The following OR6Y1 variants were observed in gnomAD, a reference collection of about 807,000 sequenced individuals.
OR6Y1 encodes olfactory receptor 6Y1.
Under a neutral mutation model 0.4 loss-of-function variants are expected in OR6Y1, and 1 was observed. The ratio of observed to expected loss-of-function variants is 2.74; its 90% confidence interval spans 0.97 to 13.02. The LOEUF is 13.02. Among genes scored for constraint, OR6Y1 ranks in the 30% most tolerant of loss-of-function variants. The pLI, the probability that OR6Y1 is intolerant of heterozygous loss-of-function variation, is 0.12. For synonymous variants in OR6Y1, 173 were observed against 141.1 expected (o/e 1.23, Z -1.60); for missense variants, 480 against 399.8 (o/e 1.20, Z -1.71).
intron 1 of OR6Y1, among the ~76,000 whole-genome samples, chr1:158,551,093 T>C (rs1362847724): frequency 3.3e-5 from 5 of 150,508 alleles, no homozygotes; most frequent in Non-Finnish European, 5.9e-5. Flanking sequence ...TATGAGTATG[T>C]AGAGGATGAT....
chr1:158,547,800 G>T lies in OR6Y1; in HGVS notation c.306C>A (p.Cys102Ter). The T allele has an allele frequency of 6.2e-7, 1 of 1,613,534 alleles. No individual in the cohort carries two copies. The highest frequency in any genetic ancestry group is 8.5e-7 in the Non-Finnish European group (1 of 1,179,962). ...TCACAAAAAAGTAAAGTTGAGTCATGCAGCCATTGAAGGAAATACTCTTGT... is the reference window on the plus strand; with the variant it reads ...TCACAAAAAAGTAAAGTTGAGTCATTCAGCCATTGAAGGAAATACTCTTGT... ...SHDKSISFNG[C>*]MTQLYFFVTF... Residue 102 changes from cysteine (C) to a stop codon, truncating the protein, a stop_gained, in exon 2 of 2, where the codon TGC becomes TGA. Transcript: ENST00000641622. LOFTEE classifies it high-confidence loss of function.
In OR6Y1 at chr1:158,548,075, G is replaced by C. The variant is rs145078451; in HGVS notation, c.31C>G (p.His11Asp). The C allele has an allele frequency of 6.2e-7, 1 of 1,613,134 alleles. No individual in the cohort carries two copies. Among genetic ancestry groups the C allele is most frequent in the Admixed American group, 1.7e-5 (1 of 59,952 alleles). Residue 11 changes from histidine (H) to aspartate (D), a missense_variant, in exon 2 of 2, where the codon CAT (histidine) becomes GAT (aspartate). Physicochemically the swap from His to Asp is moderately conservative, Grantham distance 81 (BLOSUM62 -1). Coordinates refer to ENST00000641622, the MANE Select transcript of OR6Y1 (RefSeq NM_001005189.2). ...AGAATGAAACGTGTTGTCACTGTAT[G>C]ATTATCTACTTCCAGAATTATGGTG... is the stretch of plus-strand genomic sequence containing the variant. MTTIILEVDN[H>D]TVTTRFILLG...
At chr1:158,550,294 TTAAGAATAAGAATAAG>T (rs772229722) in intron 1 of OR6Y1, among the ~76,000 whole-genome samples, 25 of 141,520 alleles carry the variant, frequency 1.8e-4, no homozygotes, top group Admixed American at 2.8e-4. Flanking sequence ...TAATTTAATT[TTAAGAATAAGAATAAG>T]TAAATAAAGT....
At chr1:158,552,231 T>G (rs926952058) in intron 1 of OR6Y1, among the ~76,000 whole-genome samples, 12 of 125,452 alleles carry the variant, frequency 9.6e-5, no homozygotes, top group Admixed American at 8.9e-4. Flanking sequence ...TGTATGGAGA[T>G]ATATATATGT....
rs780431854 is a variant in OR6Y1 at position 158,547,997 on chromosome 1, GGAAAATGGA to G, written c.100_108del (p.Ser34_Phe36del). On this transcript the variant is annotated inframe_deletion, in exon 2 of 2. Coordinates refer to ENST00000641622, the MANE Select transcript of OR6Y1 (RefSeq NM_001005189.2). ...AGCAGTGTCAGCAGATAGGTTGCCA[GGAAAATGGA>G]GAAAAAGAGAAGCTGGAAGGCTGGT... is the stretch of plus-strand genomic sequence containing the variant. 1.9e-6 allele frequency: 3 copies of G among 1,613,530 alleles called. No individual in the cohort carries two copies. Among genetic ancestry groups the G allele is most frequent in the Non-Finnish European group, 2.5e-6 (3 of 1,179,972 alleles).
intron 1 of OR6Y1, among the ~76,000 whole-genome samples, chr1:158,550,705 T>C (rs1037556817): frequency 6.6e-6 from 1 of 151,806 alleles, no homozygotes; most frequent in Non-Finnish European, 1.5e-5. Context: ...TAGGGCTAGA[T>C]TGTCTGAGTC....
At chr1:158,553,098 CTATACTT>C (rs1049216442) in intron 1 of OR6Y1, among the ~76,000 whole-genome samples, 7 of 152,168 alleles carry the variant, frequency 4.6e-5, no homozygotes, top group Non-Finnish European at 1.0e-4. Context: ...CCCTGATCCT[CTATACTT>C]TATAACTTTC....
At position 158,547,140 on chromosome 1, in the gene OR6Y1, A is replaced by G. The variant is rs878860359; in HGVS notation, c.966T>C (p.Ala322=). Reference sequence around the variant, plus strand: ...ATCTATACATTTTTTAACTACTGAAAGCCCCATTTCCCTGGGGCCCACTTC... The same window carrying G: ...ATCTATACATTTTTTAACTACTGAAGGCCCCATTTCCCTGGGGCCCACTTC... The part of the protein sequence containing the change: ...CRGSGPQGNG[A]FSS The change falls in exon 2 of 2, where the codon GCT becomes GCC. Residue 322 remains alanine (A), a synonymous_variant. Transcript: ENST00000641622. 3.1e-6 allele frequency: 5 copies of G among 1,612,046 alleles called. No individual in the cohort carries two copies. The East Asian group carries it at 1.1e-4, about 36-fold the overall frequency.
rs775415759 is a variant in OR6Y1 at position 158,547,281 on chromosome 1, G to C, written c.825C>G (p.Ser275=). 6.2e-7 allele frequency: 1 copy of C among 1,613,616 alleles called. No homozygotes were observed. Among genetic ancestry groups the C allele is most frequent in the Admixed American group, 1.7e-5 (1 of 60,012 alleles). The change falls in exon 2 of 2, where the codon TCC becomes TCG. Residue 275 remains serine (S), a synonymous_variant. Transcript: ENST00000641622. ...ARPKLMYAYN[S]NKVVSVLYTV... ...TGTAGAGAACAGATACCACTTTGTTGGAATTGTAGGCATACATGAGTTTGG... is the reference window on the plus strand; with the variant it reads ...TGTAGAGAACAGATACCACTTTGTTCGAATTGTAGGCATACATGAGTTTGG...
chr1:158,547,277 T>G lies in OR6Y1; in HGVS notation c.829A>C (p.Lys277Gln). 6.2e-7 allele frequency: 1 copy of G among 1,613,580 alleles called. No individual in the cohort carries two copies. The highest frequency in any genetic ancestry group is 1.7e-4 in the Middle Eastern group (1 of 6,060). ...ACAGTGTAGAGAACAGATACCACTTTGTTGGAATTGTAGGCATACATGAGT... is the reference window on the plus strand; with the variant it reads ...ACAGTGTAGAGAACAGATACCACTTGGTTGGAATTGTAGGCATACATGAGT... ...PKLMYAYNSN[K>Q]VVSVLYTVIV... Residue 277 changes from lysine (K) to glutamine (Q), a missense_variant, in exon 2 of 2, where the codon AAA becomes CAA. Transcript: ENST00000641622.
chr1:158,547,691 C>G lies in OR6Y1; in HGVS notation c.415G>C (p.Val139Leu). 6.2e-7 allele frequency: 1 copy of G among 1,613,524 alleles called. No individual in the cohort carries two copies. Among genetic ancestry groups the G allele is most frequent in the South Asian group, 1.1e-5 (1 of 91,078 alleles). ...VAICNPLRYP[V>L]IMTNQLCGTL... ...CCACAGAGCTGGTTGGTCATGATGA[C>G]TGGGTAGCGTAGTGGATTACAAATG... Residue 139 changes from valine (V) to leucine (L), a missense_variant, in exon 2 of 2, where the codon GTC (valine) becomes CTC (leucine). Coordinates refer to ENST00000641622, the MANE Select transcript of OR6Y1 (RefSeq NM_001005189.2).
rs1647532798 is a variant in OR6Y1, at chr1:158,546,346, T to G, written c.*782A>C. 6.6e-6 allele frequency: 1 copy of G among 152,234 alleles called. No homozygotes were observed. 9.4% of individuals were successfully genotyped at this position (152,234 alleles called of 1,614,324 possible). A position where few individuals can be genotyped will look rare whatever the true frequency, so the allele number is the denominator to read the frequency against. On this transcript the variant is annotated 3_prime_UTR_variant, in exon 2 of 2. Transcript: ENST00000641622. ...ACCTATTTTTAAAATTATGTTTATA[T>G]ACTTAACTTGTTTTTCCATTGAGAG...
chr1:158,545,260 C>T lies in OR6Y1; in HGVS notation c.*1868G>A, dbSNP rs779427023. ...GGTGTTAGATGGTAACAAAATTAGA[C>T]GTTACTTCACACCAGTTAGAATGGC... On this transcript the variant is annotated 3_prime_UTR_variant, in exon 2 of 2. Transcript: ENST00000641622. 3.4e-4 allele frequency: 48 copies of T among 139,642 alleles called. No individual in the cohort carries two copies. The highest frequency in any genetic ancestry group is 2.0e-3 in the Admixed American group (25 of 12,428). The allele number at this position is 139,642 out of a possible 1,614,324, so 8.7% of individuals were successfully genotyped here. A position where few individuals can be genotyped will look rare whatever the true frequency, so the allele number is the denominator to read the frequency against.
At position 158,548,221 on chromosome 1, in the gene OR6Y1, CT is replaced by C; in HGVS notation, c.-117del. The stretch of plus-strand genomic sequence containing the variant: ...AATTTATCACAATAGGAGGTTTCTG[CT>C]TTTTTATCTTACTGCCTCTTGAATT... On this transcript the variant is annotated 5_prime_UTR_variant, in exon 2 of 2. Transcript: ENST00000641622. 2.0e-6 allele frequency: 2 copies of C among 998,802 alleles called. No homozygotes were observed. Among genetic ancestry groups the C allele is most frequent in the Non-Finnish European group, 1.5e-6 (1 of 685,114 alleles). The allele number at this position is 998,802 out of a possible 1,614,324, so 61.9% of individuals were successfully genotyped here.
chr1:158,549,803 C>T (rs1647652929), intron 1 of OR6Y1, among the ~76,000 whole-genome samples: 1 of 147,444 alleles, frequency 6.8e-6, no homozygotes, highest in Admixed American at 6.8e-5. Flanking sequence ...TATGAATCCT[C>T]CTTATCTTTT....
intron 1 of OR6Y1, 24 bp downstream of exon 1, chr1:158,554,242 C>T (rs936450111): frequency 2.6e-5 from 4 of 152,152 alleles, no homozygotes; most frequent in Non-Finnish European, 5.9e-5. Flanking sequence ...TTGGAAATAT[C>T]TGAGAGTCTT....
rs1325667364 is a variant in OR6Y1 at position 158,548,098 on chromosome 1, G to A, written c.8C>T (p.Thr3Ile). ...ATGATTATCTACTTCCAGAATTATG[G>A]TGGTCATGACTGGCTGTGGGCACAG... Reference protein sequence around the residue: MTTIILEVDNHTV... With the variant: MTIIILEVDNHTV... Residue 3 changes from threonine (T) to isoleucine (I), a missense_variant, in exon 2 of 2, where the codon ACC becomes ATC. Thr to Ile is a moderately conservative substitution (Grantham distance 89). Transcript: ENST00000641622. The A allele has an allele frequency of 6.2e-7, 1 of 1,611,636 alleles. No individual in the cohort carries two copies.
In OR6Y1 at chr1:158,548,059, C is replaced by T. The variant is rs754621708; in HGVS notation, c.47G>A (p.Arg16His). The T allele has an allele frequency of 2.1e-5, 34 of 1,613,328 alleles. No homozygotes were observed. The highest frequency in any genetic ancestry group is 1.3e-4 in the Admixed American group (8 of 59,958). The change falls in exon 2 of 2, where the codon CGT becomes CAT. Residue 16 changes from arginine to histidine, a missense_variant. Coordinates refer to ENST00000641622, the MANE Select transcript of OR6Y1 (RefSeq NM_001005189.2). ...TGTTGGAAACCCCAGAAGAATGAAA[C>T]GTGTTGTCACTGTATGATTATCTAC... is the stretch of plus-strand genomic sequence containing the variant. ...LEVDNHTVTT[R>H]FILLGFPTRP...
chr1:158,545,021 G>A lies in OR6Y1; in HGVS notation c.*2107C>T, dbSNP rs965963957. On this transcript the variant is annotated 3_prime_UTR_variant, in exon 2 of 2. Transcript: ENST00000641622. ...TACATGTGCATGTGTCTTTATAGTA[G>A]AATGATTTATATTCCTTTAGGTATA... The A allele has an allele frequency of 6.6e-6, 1 of 152,046 alleles. No individual in the cohort carries two copies. The highest frequency in any genetic ancestry group is 2.4e-5 in the African/African-American group (1 of 41,414). The allele number at this position is 152,046 out of a possible 1,614,324, so 9.4% of individuals were successfully genotyped here. A position where few individuals can be genotyped will look rare whatever the true frequency, so the allele number is the denominator to read the frequency against.
Sources: allele counts gnomAD v4.1 joint callset (sites outside exome capture counted in the v4.1 genomes callset), GRCh38; gene constraint gnomAD v4.1.1; transcripts MANE v1.5; gene names NCBI Gene and HGNC (gene_info 2026-07-23, HGNC 2026-07-21).